The following BTRC variants were observed in gnomAD, a reference collection of about 807,000 sequenced individuals.
BTRC encodes F-box/WD repeat-containing protein 1A.
A neutral mutation model predicts 85.5 loss-of-function variants in BTRC; 42 were observed. The ratio of observed to expected loss-of-function variants is 0.49; its 90% CI spans 0.38 to 0.64. The LOEUF is 0.64. BTRC is among the 30% of genes least tolerant of loss of function. The probability of loss-of-function intolerance (pLI) is 0.00; values close to 1 mark genes in which losing one functional copy is unlikely to be tolerated. For synonymous variants in BTRC, 255 were observed against 263.3 expected (o/e 0.97, Z 0.30); for missense variants, 594 against 743.5 (o/e 0.80, Z 2.34).
At chr10:101,424,359 TAA>T (rs546814043) in intron 1 of BTRC, among the ~76,000 whole-genome samples, 84 of 152,336 alleles carry the variant, frequency 5.5e-4, no homozygotes, top group African/African-American at 1.8e-3. Context: ...TTGGGATTCT[TAA>T]GAGGCAATCA....
At chr10:101,483,994 C>T (rs1945916399) in intron 4 of BTRC, among the ~76,000 whole-genome samples, 1 of 152,150 alleles carries the variant, frequency 6.6e-6, no homozygotes, top group Admixed American at 6.5e-5. Context: ...TACCCACACC[C>T]ACAGATACAC....
chr10:101,410,658 T>G (rs1339012742), intron 1 of BTRC, among the ~76,000 whole-genome samples: 1 of 151,986 alleles, frequency 6.6e-6, no homozygotes, highest in Non-Finnish European at 1.5e-5. Flanking sequence ...CTGTTGAGAG[T>G]AATATCTTTT....
intron 2 of BTRC, among the ~76,000 whole-genome samples, chr10:101,431,749 TAA>T (rs990416956): frequency 9.8e-5 from 15 of 152,350 alleles, no homozygotes; most frequent in African/African-American, 3.4e-4. Context: ...TAACCTATGC[TAA>T]GAGTTGTTAA....
intron 2 of BTRC, among the ~76,000 whole-genome samples, chr10:101,455,981 A>AAAACACACACAC (rs1554881046): frequency 1.0e-4 from 1 of 9,660 alleles, no homozygotes; most frequent in East Asian, 2.4e-3. Flanking sequence ...GTCTCTACTA[A>AAAACACACACAC]AAACACACAC....
chr10:101,354,905 T>C (rs1941990427), intron 1 of BTRC, among the ~76,000 whole-genome samples: 1 of 152,092 alleles, frequency 6.6e-6, no homozygotes, highest in Admixed American at 6.6e-5. Context: ...AGGGCTATAA[T>C]GACAGTCCCT....
At chr10:101,439,466 CT>C (rs1179191483) in intron 2 of BTRC, among the ~76,000 whole-genome samples, 1 of 152,200 alleles carries the variant, frequency 6.6e-6, no homozygotes. Flanking sequence ...GACTGACATA[CT>C]ATGAAGAAAA....
chr10:101,491,133 A>G (rs1281455574), intron 4 of BTRC, among the ~76,000 whole-genome samples: 1 of 151,914 alleles, frequency 6.6e-6, no homozygotes, highest in Non-Finnish European at 1.5e-5. Context: ...CACCTGCCTT[A>G]TTAACATAGT....
intron 1 of BTRC, among the ~76,000 whole-genome samples, chr10:101,369,932 T>C (rs1942584624): frequency 6.6e-6 from 1 of 152,166 alleles, no homozygotes; most frequent in Non-Finnish European, 1.5e-5. Context: ...ACCCACTATA[T>C]AGATGCCGTC....
chr10:101,410,701 CTTTT>C (rs71016319), intron 1 of BTRC, among the ~76,000 whole-genome samples: 1 of 151,728 alleles, frequency 6.6e-6, no homozygotes, highest in African/African-American at 2.4e-5. Flanking sequence ...ATTGAGTTGT[CTTTT>C]TTTATTTTTT....
intron 2 of BTRC, among the ~76,000 whole-genome samples, chr10:101,452,988 T>C (rs1044311420): frequency 4.6e-5 from 7 of 152,194 alleles, no homozygotes; most frequent in African/African-American, 1.7e-4. Flanking sequence ...AATTAAAATT[T>C]GTTTAAACAC....
At chr10:101,453,054 T>C (rs1336706567) in intron 2 of BTRC, among the ~76,000 whole-genome samples, 2 of 152,234 alleles carry the variant, frequency 1.3e-5, no homozygotes, top group Non-Finnish European at 2.9e-5. Context: ...AGTGATTTTG[T>C]CCATGTAGCT....
chr10:101,485,417 C>T lies in BTRC; in HGVS notation c.324+5960C>T, dbSNP rs116152716. The stretch of plus-strand genomic sequence containing the variant: ...GAAGTCCAGCCGCATTGATTAGGCA[C>T]GTTGGCCATCAGCATCTTCCAGCAG... On this transcript the variant is annotated intron_variant, in intron 4 of 14. Transcript: ENST00000370187. 4.0e-3 allele frequency among the ~76,000 whole-genome samples: 614 copies of T among 152,326 alleles called. 6 individuals carry two copies. The highest frequency in any genetic ancestry group is 0.014 in the African/African-American group (576 of 41,566).
At chr10:101,445,059 G>T (rs2134122406) in intron 2 of BTRC, among the ~76,000 whole-genome samples, 1 of 152,120 alleles carries the variant, frequency 6.6e-6, no homozygotes, top group South Asian at 2.1e-4. Flanking sequence ...GATATGTTAG[G>T]GTTTAGTTAT....
At chr10:101,357,846 T>G (rs1280269440) in intron 1 of BTRC, among the ~76,000 whole-genome samples, 2 of 152,242 alleles carry the variant, frequency 1.3e-5, no homozygotes, top group Admixed American at 1.3e-4. Context: ...AATGTTTAAC[T>G]TTTAAAAACA....
Position 101,534,844 on chromosome 10 carries a change from T to C in BTRC, c.1281T>C (p.Ala427=), listed in dbSNP as rs2062360680. The C allele has an allele frequency of 6.2e-7, 1 of 1,613,878 alleles. No homozygotes were observed. Among genetic ancestry groups the C allele is most frequent in the Admixed American group, 1.7e-5 (1 of 60,010 alleles). The change falls in exon 10 of 15, where the codon GCT becomes GCC. Residue 427 remains alanine, a synonymous_variant. Coordinates refer to ENST00000370187, the MANE Select transcript of BTRC (RefSeq NM_033637.4). ...GGAGGGTGCTGGTCGGACACCGAGC[T>C]GCTGTCAATGTTGTAGACTTTGATG... ...TLRRVLVGHR[A]AVNVVDFDDK... is the part of the protein sequence containing the mutation.
chr10:101,411,186 A>T (rs1333388954), intron 1 of BTRC, among the ~76,000 whole-genome samples: 1 of 151,444 alleles, frequency 6.6e-6, no homozygotes, highest in South Asian at 2.1e-4. Context: ...TAGAGATGGG[A>T]TTTCACCATG....
At chr10:101,546,579 G>A (rs1475747755) in intron 13 of BTRC, among the ~76,000 whole-genome samples, 2 of 152,146 alleles carry the variant, frequency 1.3e-5, no homozygotes, top group African/African-American at 4.8e-5. Flanking sequence ...AGCACTGAAT[G>A]CATATCTTAG....
At chr10:101,396,564 A>T (rs1170158125) in intron 1 of BTRC, among the ~76,000 whole-genome samples, 11 of 152,014 alleles carry the variant, frequency 7.2e-5, no homozygotes, top group Admixed American at 7.2e-4. Context: ...TTACGACAGC[A>T]AAATATGTGG....
intron 1 of BTRC, among the ~76,000 whole-genome samples, chr10:101,423,959 G>A (rs1387927890): frequency 1.3e-5 from 2 of 152,146 alleles, no homozygotes; most frequent in Admixed American, 6.6e-5. Context: ...GCCGGGTGAG[G>A]TGGCTCGTGC....
Sources: allele counts gnomAD v4.1 joint callset (sites outside exome capture counted in the v4.1 genomes callset), GRCh38; gene constraint gnomAD v4.1.1; transcripts MANE v1.5; gene names NCBI Gene and HGNC (gene_info 2026-07-23, HGNC 2026-07-21).